The following ANKS1B variants were observed in gnomAD, a reference collection of about 807,000 sequenced individuals.
ANKS1B encodes the protein ankyrin repeat and sterile alpha motif domain-containing protein 1B.
In ANKS1B, 36 loss-of-function variants were observed where a neutral mutation model predicts 148.3. The observed-to-expected ratio is 0.24, with a 90% CI of 0.19 to 0.32. The LOEUF (loss-of-function observed/expected upper bound fraction) is 0.32. Among genes scored for constraint, ANKS1B ranks in the 10% least tolerant of loss-of-function variants. The probability of loss-of-function intolerance (pLI) is 1.00; values close to 1 mark genes in which losing one functional copy is unlikely to be tolerated. For missense variants in ANKS1B, 1,157 were observed against 1,542.6 expected (o/e 0.75, Z 4.19); for synonymous variants, 542 against 560.8 (o/e 0.97, Z 0.47).
chr12:99,631,066 G>A (rs1325986791), intron 9 of ANKS1B, among the ~76,000 whole-genome samples: 1 of 151,990 alleles, frequency 6.6e-6, no homozygotes, highest in East Asian at 1.9e-4. Flanking sequence ...ACATGACTTT[G>A]CTCCTCATTC....
chr12:99,109,870 C>T (rs1445158616), intron 15 of ANKS1B, among the ~76,000 whole-genome samples: 1 of 152,188 alleles, frequency 6.6e-6, no homozygotes, highest in Non-Finnish European at 1.5e-5. Flanking sequence ...TCTCATTTAA[C>T]CCTCACAGCA....
chr12:99,183,899 T>G (rs937938237), intron 14 of ANKS1B, among the ~76,000 whole-genome samples: 1 of 152,238 alleles, frequency 6.6e-6, no homozygotes, highest in Admixed American at 6.5e-5. Context: ...GGGAAACTCA[T>G]GTCTAATATT....
intron 9 of ANKS1B, among the ~76,000 whole-genome samples, chr12:99,635,235 T>A (rs1428360553): frequency 6.6e-6 from 1 of 152,218 alleles, no homozygotes; most frequent in Non-Finnish European, 1.5e-5. Context: ...TACCATAAGA[T>A]CCAGCAACTT....
At chr12:99,683,298 T>C (rs1239810951) in intron 8 of ANKS1B, among the ~76,000 whole-genome samples, 6 of 151,978 alleles carry the variant, frequency 3.9e-5, no homozygotes, top group Non-Finnish European at 8.8e-5. Flanking sequence ...ATGGGAGATA[T>C]TACAATAGAT....
intron 17 of ANKS1B, among the ~76,000 whole-genome samples, chr12:98,896,441 T>TA (rs910843754): frequency 2.6e-5 from 4 of 151,976 alleles, no homozygotes; most frequent in African/African-American, 7.2e-5. Context: ...CTTTACAGAT[T>TA]AAAAAAAAGG....
chr12:99,689,015 T>C (rs1345940011), intron 8 of ANKS1B, among the ~76,000 whole-genome samples: 1 of 152,178 alleles, frequency 6.6e-6, no homozygotes, highest in Admixed American at 6.5e-5. Context: ...TTTTTAGCCC[T>C]AAAATCATCT....
chr12:99,812,554 CACACAGAGAGAGAG>C lies in ANKS1B; in HGVS notation c.216-257_216-244del, dbSNP rs1303926085. ...ACACACACACACACACACACACACACACACAGAGAGAGAGAGAGAGAGAAAGAGAGCGAGAGCAC... is the reference window on the plus strand; with the variant it reads ...ACACACACACACACACACACACACACAGAGAGAGAAAGAGAGCGAGAGCAC... On this transcript the variant is annotated intron_variant, in intron 2 of 26. Transcript: ENST00000683438. 4.2e-3 allele frequency among the ~76,000 whole-genome samples: 420 copies of C among 100,728 alleles called. 10 individuals are homozygous for C. The East Asian group carries it at 0.097, about 23-fold the overall frequency. The allele number at this position is 100,728 out of a possible 152,430, so 66.1% of individuals were successfully genotyped here. A position where few individuals can be genotyped will look rare whatever the true frequency, so the allele number is the denominator to read the frequency against.
intron 12 of ANKS1B, among the ~76,000 whole-genome samples, chr12:99,388,511 C>A (rs1285844115): frequency 1.3e-5 from 2 of 152,154 alleles, no homozygotes; most frequent in Non-Finnish European, 2.9e-5. Context: ...GAGAGAGGGA[C>A]AGACACTCTC....
At position 99,402,652 on chromosome 12, in the gene ANKS1B, A is replaced by G. The variant is rs1010691186; in HGVS notation, c.1576-2841T>C. Among the ~76,000 whole-genome samples, 5 of 145,894 alleles carry G rather than the reference A, an allele frequency of 3.4e-5. 1 individual carries two copies. The highest frequency in any genetic ancestry group is 5.2e-5 in the African/African-American group (2 of 38,328). On this transcript the variant is annotated intron_variant, in intron 11 of 26. Coordinates refer to ENST00000683438, the MANE Select transcript of ANKS1B (RefSeq NM_001352186.2). Reference sequence around the variant, plus strand: ...ATGTCCCTGCAAAGGACATGATCTCATTCTTTTTTATGGCTGCATAGTATT... The same window carrying G: ...ATGTCCCTGCAAAGGACATGATCTCGTTCTTTTTTATGGCTGCATAGTATT...
At chr12:99,712,979 A>G (rs971162030) in intron 8 of ANKS1B, among the ~76,000 whole-genome samples, 4 of 152,148 alleles carry the variant, frequency 2.6e-5, no homozygotes, top group Admixed American at 2.6e-4. Context: ...AGAATTTTGG[A>G]AGTCAAACAA....
intron 15 of ANKS1B, among the ~76,000 whole-genome samples, chr12:99,140,262 A>C (rs1048982926): frequency 6.6e-6 from 1 of 152,180 alleles, no homozygotes; most frequent in African/African-American, 2.4e-5. Flanking sequence ...TTGAGTGTCC[A>C]TGTAGTCAAC....
intron 10 of ANKS1B, among the ~76,000 whole-genome samples, chr12:99,494,394 G>C (rs2096582939): frequency 1.3e-5 from 2 of 152,150 alleles, no homozygotes; most frequent in Non-Finnish European, 2.9e-5. Flanking sequence ...TTTGCTGTTA[G>C]TTGTTCTTGT....
chr12:99,722,746 A>AACAAGAAGC (rs2058213948), intron 8 of ANKS1B, among the ~76,000 whole-genome samples: 1 of 152,256 alleles, frequency 6.6e-6, no homozygotes, highest in African/African-American at 2.4e-5. Context: ...CCAACTAGCC[A>AACAAGAAGC]ACAAGAAGCA....
At chr12:99,781,933 G>T in intron 5 of ANKS1B, 89 bp downstream of exon 5, 1 of 1,136,992 alleles carries the variant, frequency 8.8e-7, no homozygotes, top group Non-Finnish European at 1.3e-6. Flanking sequence ...GGTGATTTGT[G>T]AAGAAAACTG....
intron 3 of ANKS1B, among the ~76,000 whole-genome samples, chr12:99,811,334 C>A (rs1453818596): frequency 1.3e-5 from 2 of 151,812 alleles, no homozygotes; most frequent in Admixed American, 6.6e-5. Context: ...GGACAACTGC[C>A]AACCTGCAGC....
intron 11 of ANKS1B, among the ~76,000 whole-genome samples, chr12:99,416,906 T>C (rs2152697006): frequency 6.6e-6 from 1 of 152,272 alleles, no homozygotes; most frequent in South Asian, 2.1e-4. Flanking sequence ...TGATAGAGCA[T>C]AAACAGAGGT....
At chr12:99,678,839 C>G (rs977388155) in intron 8 of ANKS1B, among the ~76,000 whole-genome samples, 6 of 151,960 alleles carry the variant, frequency 3.9e-5, no homozygotes, top group African/African-American at 1.5e-4. Flanking sequence ...GATCAACAAA[C>G]CATTTTATGA....
intron 1 of ANKS1B, among the ~76,000 whole-genome samples, chr12:99,885,883 C>G (rs1011284355): frequency 6.6e-6 from 1 of 152,154 alleles, no homozygotes; most frequent in Non-Finnish European, 1.5e-5. Flanking sequence ...TGTTACTTCA[C>G]TTAGAATAAT....
intron 17 of ANKS1B, among the ~76,000 whole-genome samples, chr12:98,961,388 A>G (rs1170014070): frequency 1.3e-5 from 2 of 152,208 alleles, no homozygotes; most frequent in African/African-American, 2.4e-5. Flanking sequence ...TATCCAACAA[A>G]AATATCCTTT....
Sources: allele counts gnomAD v4.1 joint callset (sites outside exome capture counted in the v4.1 genomes callset), GRCh38; gene constraint gnomAD v4.1.1; transcripts MANE v1.5; gene names NCBI Gene and HGNC (gene_info 2026-07-23, HGNC 2026-07-21).